SLC22A14: variants seen among roughly 807,000 people sequenced by gnomAD.
SLC22A14 encodes organic cation transporter-like 4.
SLC22A14 carries 50 observed loss-of-function variants against 53.9 expected under a neutral mutation model. That is an observed-to-expected ratio of 0.93 (90% CI 0.74 to 1.17). The LOEUF is 1.17. Among genes scored for constraint, SLC22A14 ranks in the 50% most tolerant of loss-of-function variants. SLC22A14 has a pLI of 0.00. For synonymous variants in SLC22A14, 312 were observed against 303.0 expected, an observed-to-expected ratio of 1.03 and a Z score of -0.31; for missense variants, 671 against 734.7, an observed-to-expected ratio of 0.91 and a Z score of 1.00.
intron 8 of SLC22A14, among the ~76,000 whole-genome samples, chr3:38,314,274 A>C (rs1461606484): frequency 6.6e-6 from 1 of 152,224 alleles, no homozygotes; most frequent in East Asian, 1.9e-4. Flanking sequence ...ATGATGGCAA[A>C]AATATTCCTT....
intron 9 of SLC22A14, 71 bp downstream of exon 9, chr3:38,315,782 C>T (rs898778994): frequency 6.9e-7 from 1 of 1,454,198 alleles, no homozygotes; most frequent in Non-Finnish European, 9.5e-7. Flanking sequence ...ATTAATGCAG[C>T]AACTAAGACA....
At chr3:38,312,975 A>G in intron 5 of SLC22A14, 24 bp from the exon 6 acceptor site, 2 of 1,570,472 alleles carry the variant, frequency 1.3e-6, no homozygotes, top group East Asian at 4.6e-5. Flanking sequence ...GAACGGTGAG[A>G]TAAGAGAGGG....
intron 1 of SLC22A14, 115 bp from the exon 2 acceptor site, chr3:38,305,912 G>A: frequency 1.0e-6 from 1 of 997,330 alleles, no homozygotes; most frequent in Non-Finnish European, 1.5e-6. Context: ...GTCAAGGTTG[G>A]AATCCATATT....
chr3:38,312,589 T>C (rs1039378216), intron 5 of SLC22A14, among the ~76,000 whole-genome samples: 1 of 152,018 alleles, frequency 6.6e-6, no homozygotes, highest in African/African-American at 2.4e-5. Context: ...GGGAGACAGA[T>C]AGGGAACAGG....
At position 38,312,909 on chromosome 3, in the gene SLC22A14, A is replaced by C. The variant is rs1021442858; in HGVS notation, c.945-90A>C. 3.3e-6 allele frequency: 5 copies of C among 1,507,418 alleles called. No individual in the cohort carries two copies. In the Admixed American group the frequency reaches 5.9e-5, roughly 18 times the overall value. The allele number at this position is 1,507,418 out of a possible 1,614,324, so 93.4% of individuals were successfully genotyped here. On this transcript the variant is annotated intron_variant, in intron 5 of 10. Transcript: ENST00000448498. ...CATCTGAATCACCTCATGCTGGCAC[A>C]GGATGGCCACAGCTGAGGCCACGAG...
intron 1 of SLC22A14, among the ~76,000 whole-genome samples, chr3:38,298,705 C>T (rs1478533244): frequency 6.6e-6 from 1 of 152,118 alleles, no homozygotes; most frequent in Non-Finnish European, 1.5e-5. Flanking sequence ...CAGGCAGGTG[C>T]CACCATATCC....
At chr3:38,287,896 T>C (rs1703826627) in intron 1 of SLC22A14, among the ~76,000 whole-genome samples, 2 of 152,250 alleles carry the variant, frequency 1.3e-5, no homozygotes, top group Non-Finnish European at 2.9e-5. Context: ...ATTTTACACA[T>C]AGGTCTTGTG....
chr3:38,298,630 A>G (rs1296197590), intron 1 of SLC22A14, among the ~76,000 whole-genome samples: 1 of 151,980 alleles, frequency 6.6e-6, no homozygotes, highest in Non-Finnish European at 1.5e-5. Context: ...ATCTCAGCTC[A>G]CTGCAACCTC....
At chr3:38,283,372 A>G (rs1703716521) in intron 1 of SLC22A14, among the ~76,000 whole-genome samples, 1 of 152,112 alleles carries the variant, frequency 6.6e-6, no homozygotes, top group Non-Finnish European at 1.5e-5. Context: ...ACCTCCCAGC[A>G]CACACACATC....
At chr3:38,312,654 C>T (rs1295765505) in intron 5 of SLC22A14, among the ~76,000 whole-genome samples, 2 of 152,120 alleles carry the variant, frequency 1.3e-5, no homozygotes, top group Non-Finnish European at 2.9e-5. Flanking sequence ...GCATGGAGGT[C>T]GGAGCCCTCA....
intron 10 of SLC22A14, among the ~76,000 whole-genome samples, chr3:38,317,330 G>A (rs555169740): frequency 7.9e-5 from 12 of 152,322 alleles, no homozygotes; most frequent in Admixed American, 3.3e-4. Context: ...ACTGTCAAAG[G>A]TCAGAGGTCA....
chr3:38,296,671 G>T (rs1704044999), intron 1 of SLC22A14, among the ~76,000 whole-genome samples: 1 of 152,170 alleles, frequency 6.6e-6, no homozygotes, highest in African/African-American at 2.4e-5. Context: ...TGGCCTCACA[G>T]ATTCCAAAGA....
chr3:38,305,642 T>G, intron 1 of SLC22A14: 1 of 176,112 alleles, frequency 5.7e-6, no homozygotes, highest in Non-Finnish European at 1.2e-5. Flanking sequence ...AGATCTTTGT[T>G]TGTTTTTGAA....
intron 5 of SLC22A14, among the ~76,000 whole-genome samples, chr3:38,310,621 A>C (rs1411679683): frequency 6.6e-6 from 1 of 152,132 alleles, no homozygotes; most frequent in African/African-American, 2.4e-5. Flanking sequence ...TCTGTAGGGT[A>C]GATATTCAAA....
chr3:38,313,284 C>G (rs1704523593), intron 6 of SLC22A14, 104 bp from the exon 7 acceptor site: 1 of 1,387,550 alleles, frequency 7.2e-7, no homozygotes, highest in South Asian at 1.2e-5. Flanking sequence ...AGGCCAGAAG[C>G]CAGCTGGCAC....
At chr3:38,295,373 T>G (rs547105500) in intron 1 of SLC22A14, among the ~76,000 whole-genome samples, 12 of 152,384 alleles carry the variant, frequency 7.9e-5, no homozygotes, top group Non-Finnish European at 1.6e-4. Flanking sequence ...CAATGAGGTT[T>G]CCTCTAAAAG....
At chr3:38,285,066 C>T (rs1703760883) in intron 1 of SLC22A14, among the ~76,000 whole-genome samples, 1 of 152,190 alleles carries the variant, frequency 6.6e-6, no homozygotes, top group Non-Finnish European at 1.5e-5. Context: ...AGCCTTGGTG[C>T]CCAGTAGCTA....
Position 38,316,340 on chromosome 3 carries a change from C to T in SLC22A14, c.1549C>T (p.Leu517=), listed in dbSNP as rs773904253. 6.2e-7 allele frequency: 1 copy of T among 1,614,160 alleles called. No individual in the cohort carries two copies. Among genetic ancestry groups the T allele is most frequent in the South Asian group, 1.1e-5 (1 of 91,074 alleles). The change falls in exon 10 of 11, where the codon CTG becomes TTG. Residue 517 remains leucine (L), a synonymous_variant. Coordinates refer to ENST00000448498, the MANE Select transcript of SLC22A14 (RefSeq NM_001320033.2). ...CACTTTCAGGGCGACAGGTCTGGGG[C>T]TGGTGTCTCTGGCCTCGGTGGCTGG... is the stretch of plus-strand genomic sequence containing the variant. ...PTVLRATGLG[L]VSLASVAGAI...
At position 38,289,637 on chromosome 3, in the gene SLC22A14, A is replaced by G. The variant is rs1003684316; in HGVS notation, c.-1+7298A>G. On this transcript the variant is annotated intron_variant, in intron 1 of 10. Transcript: ENST00000448498. ...GCTACTAGTGTTCAGCTCGATTAGG[A>G]TGAACCCAGGCACTTAGCCATGCGG... Among the ~76,000 whole-genome samples the G allele has an allele frequency of 5.3e-5, 8 of 152,208 alleles. No individual in the cohort carries two copies. In the East Asian group the frequency reaches 1.5e-3, roughly 29 times the overall value.
Sources: allele counts gnomAD v4.1 joint callset (sites outside exome capture counted in the v4.1 genomes callset), GRCh38; gene constraint gnomAD v4.1.1; transcripts MANE v1.5; gene names NCBI Gene and HGNC (gene_info 2026-07-23, HGNC 2026-07-21).